The following SLC25A37 variants were observed in gnomAD, a reference collection of about 807,000 sequenced individuals.
SLC25A37 encodes solute carrier family 25 member 37.
A neutral mutation model predicts 31.0 loss-of-function variants in SLC25A37; 17 were observed. That is an observed-to-expected ratio of 0.55 (90% CI 0.38 to 0.82). The LOEUF (loss-of-function observed/expected upper bound fraction) is 0.82. SLC25A37 is among the 40% of genes least tolerant of loss of function. The pLI, the probability that SLC25A37 is intolerant of heterozygous loss-of-function variation, is 0.00. For missense variants in SLC25A37, 404 were observed against 465.8 expected, an observed-to-expected ratio of 0.87 and a Z score of 1.22; for synonymous variants, 222 against 193.0, an observed-to-expected ratio of 1.15 and a Z score of -1.24.
chr8:23,538,842 A>C (rs1458191960), intron 1 of SLC25A37, among the ~76,000 whole-genome samples: 1 of 152,192 alleles, frequency 6.6e-6, no homozygotes, highest in Non-Finnish European at 1.5e-5. Context: ...ATGGACTCTG[A>C]ACTGCTCAAG....
chr8:23,554,264 C>G (rs748284205), intron 1 of SLC25A37, among the ~76,000 whole-genome samples: 5 of 152,134 alleles, frequency 3.3e-5, no homozygotes, highest in Non-Finnish European at 7.4e-5. Flanking sequence ...TTCAGGGAAG[C>G]AAGTTGATTG....
In SLC25A37 at chr8:23,573,948, T is replaced by C. The variant is rs1157650890; in HGVS notation, c.*2093T>C. The C allele has an allele frequency of 5.0e-6, 2 of 396,788 alleles. No homozygotes were observed. The highest frequency in any genetic ancestry group is 1.0e-5 in the Non-Finnish European group (2 of 191,574). The allele number at this position is 396,788 out of a possible 1,614,324, so 24.6% of individuals were successfully genotyped here. Reference sequence around the variant, plus strand: ...CAACCTGCCTTGGGTTCGTGTTAAATGGTGTTAAATTCTGCAAATGGAGGG... The same window carrying C: ...CAACCTGCCTTGGGTTCGTGTTAAACGGTGTTAAATTCTGCAAATGGAGGG... On this transcript the variant is annotated 3_prime_UTR_variant, in exon 4 of 4. Transcript: ENST00000519973.
chr8:23,533,955 T>C (rs1348092485), intron 1 of SLC25A37, among the ~76,000 whole-genome samples: 5 of 152,076 alleles, frequency 3.3e-5, no homozygotes, highest in Non-Finnish European at 7.4e-5. Flanking sequence ...TCTCTTTTTT[T>C]TTGTTTTTTT....
intron 1 of SLC25A37, among the ~76,000 whole-genome samples, chr8:23,553,378 G>A (rs533824842): frequency 2.0e-5 from 3 of 152,180 alleles, no homozygotes; most frequent in African/African-American, 2.4e-5. Flanking sequence ...CCAAGTTCAC[G>A]CCATTGCACT....
chr8:23,550,974 G>A (rs1802208403), intron 1 of SLC25A37, among the ~76,000 whole-genome samples: 1 of 152,200 alleles, frequency 6.6e-6, no homozygotes, highest in Admixed American at 6.5e-5. Context: ...TAGTTCAGAG[G>A]CGAGCCAGCT....
At chr8:23,566,487 GAC>G (rs33980757) in intron 2 of SLC25A37, 151 bp downstream of exon 2, 108,686 of 1,439,736 alleles carry the variant, frequency 0.075, 7,728 homozygotes, top group African/African-American at 0.37. Flanking sequence ...TGCACACCCA[GAC>G]ACACGCACGC....
At chr8:23,534,196 T>C (rs1231178294) in intron 1 of SLC25A37, among the ~76,000 whole-genome samples, 2 of 152,132 alleles carry the variant, frequency 1.3e-5, no homozygotes, top group Admixed American at 6.5e-5. Flanking sequence ...CAAGCGATCC[T>C]CCCACCTTGG....
Position 23,571,477 on chromosome 8 carries a change from C to T in SLC25A37, c.639C>T (p.Ser213=), listed in dbSNP as rs1563269816. ...TQLTMNIPFQ[S]IHFITYEFLQ... is the part of the protein sequence containing the mutation. Reference sequence around the variant, plus strand: ...TGACCATGAACATCCCCTTCCAGTCCATCCACTTCATCACCTATGAGTTCC... The same window carrying T: ...TGACCATGAACATCCCCTTCCAGTCTATCCACTTCATCACCTATGAGTTCC... The change falls in exon 4 of 4, where the codon TCC becomes TCT. Residue 213 remains serine, a synonymous_variant. Coordinates refer to ENST00000519973, the MANE Select transcript of SLC25A37 (RefSeq NM_016612.4). 1 of 1,614,046 alleles carries T rather than the reference C, an allele frequency of 6.2e-7. No individual in the cohort carries two copies. Among genetic ancestry groups the T allele is most frequent in the Non-Finnish European group, 8.5e-7 (1 of 1,179,908 alleles).
At chr8:23,534,216 G>C (rs113814355) in intron 1 of SLC25A37, among the ~76,000 whole-genome samples, 6,416 of 152,194 alleles carry the variant, frequency 0.042, 320 homozygotes, top group East Asian at 0.15. Flanking sequence ...GCCTTCCAAA[G>C]TGCTGGGATT....
At chr8:23,563,824 A>G (rs1288856134) in intron 1 of SLC25A37, among the ~76,000 whole-genome samples, 1 of 152,106 alleles carries the variant, frequency 6.6e-6, no homozygotes, top group Non-Finnish European at 1.5e-5. Context: ...TACTAAAAAT[A>G]TAAAAAATTA....
chr8:23,550,728 T>C (rs537217672), intron 1 of SLC25A37, among the ~76,000 whole-genome samples: 1 of 152,358 alleles, frequency 6.6e-6, no homozygotes, highest in South Asian at 2.1e-4. Context: ...GTGTCCATCT[T>C]ACCTAGGTGT....
chr8:23,572,109 G>A lies in SLC25A37; in HGVS notation c.*254G>A. The A allele has an allele frequency of 5.2e-6, 2 of 386,754 alleles. No homozygotes were observed. The highest frequency in any genetic ancestry group is 2.1e-5 in the African/African-American group (1 of 47,800). The allele number at this position is 386,754 out of a possible 1,614,324, so 24.0% of individuals were successfully genotyped here. On this transcript the variant is annotated 3_prime_UTR_variant, in exon 4 of 4. Transcript: ENST00000519973. Reference sequence around the variant, plus strand: ...AATTGCTTTTTCTCTTCCTCCCTGGGCAGAATGTAGCTTTTCTGCTTCACT... The same window carrying A: ...AATTGCTTTTTCTCTTCCTCCCTGGACAGAATGTAGCTTTTCTGCTTCACT...
chr8:23,535,711 C>T (rs1045843746), intron 1 of SLC25A37, among the ~76,000 whole-genome samples: 8 of 152,302 alleles, frequency 5.3e-5, no homozygotes, highest in South Asian at 2.1e-4. Context: ...CACAGTTCCA[C>T]GTGGCTGGGA....
rs569554456 is a variant in SLC25A37, at chr8:23,545,912, G to A, written c.210+16700G>A. On this transcript the variant is annotated intron_variant, in intron 1 of 3. Coordinates refer to ENST00000519973, the MANE Select transcript of SLC25A37 (RefSeq NM_016612.4). ...AGCACTTTGTGAGGCCAAGACGGGTGGATCACGAGGTCAGAAGTTTGAGAC... is the reference window on the plus strand; with the variant it reads ...AGCACTTTGTGAGGCCAAGACGGGTAGATCACGAGGTCAGAAGTTTGAGAC... 3.3e-5 allele frequency among the ~76,000 whole-genome samples: 5 copies of A among 152,256 alleles called. No homozygotes were observed. The East Asian group carries it at 7.7e-4, about 24-fold the overall frequency.
chr8:23,533,173 G>A (rs10464947), intron 1 of SLC25A37, among the ~76,000 whole-genome samples: 6,397 of 152,192 alleles, frequency 0.042, 321 homozygotes, highest in East Asian at 0.15. Context: ...AGGCAGCCAT[G>A]GCCTGTACCC....
chr8:23,536,737 G>T (rs1221718709), intron 1 of SLC25A37, among the ~76,000 whole-genome samples: 1 of 152,196 alleles, frequency 6.6e-6, no homozygotes, highest in African/African-American at 2.4e-5. Flanking sequence ...ATGGTCATCA[G>T]CTTTTCTCCC....
chr8:23,553,658 C>T (rs148207561), intron 1 of SLC25A37, among the ~76,000 whole-genome samples: 5 of 152,308 alleles, frequency 3.3e-5, no homozygotes, highest in East Asian at 1.9e-4. Flanking sequence ...GCCAGGCTTT[C>T]GTCTGTCAAG....
In SLC25A37 at chr8:23,547,141, A is replaced by C. The variant is rs548962091; in HGVS notation, c.210+17929A>C. ...TTTCAGACCCTACAACCCACAAGTT[A>C]CTGCAAAGCTGGGCTTCTACCAGAA... On this transcript the variant is annotated intron_variant, in intron 1 of 3. Coordinates refer to ENST00000519973, the MANE Select transcript of SLC25A37 (RefSeq NM_016612.4). Among the ~76,000 whole-genome samples the C allele has an allele frequency of 3.7e-4, 57 of 152,366 alleles. 1 individual carries two copies. The South Asian group carries it at 9.9e-3, about 27-fold the overall frequency.
intron 1 of SLC25A37, among the ~76,000 whole-genome samples, chr8:23,542,761 G>T (rs1284550025): frequency 6.7e-6 from 1 of 149,252 alleles, no homozygotes; most frequent in Non-Finnish European, 1.5e-5. Context: ...AAGGCATTGC[G>T]ATCACAGGAG....
Sources: gnomAD v4.1 joint callset for allele counts (sites outside exome capture counted in the v4.1 genomes callset) on GRCh38, gnomAD v4.1.1 for gene constraint, MANE v1.5 for transcripts, NCBI Gene and HGNC (gene_info 2026-07-23, HGNC 2026-07-21) for gene names.